The following RBFOX1 variants were observed in gnomAD, a reference collection of about 807,000 sequenced individuals.
RBFOX1 encodes RNA binding fox-1 homolog 1.
In RBFOX1, 8 loss-of-function variants were observed where a neutral mutation model predicts 57.7. The ratio of observed to expected loss-of-function variants is 0.14; its 90% confidence interval spans 0.08 to 0.25. The LOEUF (loss-of-function observed/expected upper bound fraction) is 0.25. RBFOX1 is among the 10% of genes least tolerant of loss of function. The probability of loss-of-function intolerance (pLI) is 1.00; values close to 1 mark genes in which losing one functional copy is unlikely to be tolerated. For missense variants in RBFOX1, 611 were observed against 548.5 expected (o/e 1.11, Z -1.14); for synonymous variants, 326 against 222.4 (o/e 1.47, Z -4.15).
chr16:6,927,606 G>C (rs933808856), intron 3 of RBFOX1, among the ~76,000 whole-genome samples: 2 of 151,952 alleles, frequency 1.3e-5, no homozygotes, highest in African/African-American at 4.8e-5. Flanking sequence ...AAAAGTACCT[G>C]ACATTTAGCA....
At chr16:7,590,784 G>A (rs146738306) in intron 7 of RBFOX1, among the ~76,000 whole-genome samples, 1 of 151,052 alleles carries the variant, frequency 6.6e-6, no homozygotes, top group South Asian at 2.1e-4. Context: ...ACTTGAACCC[G>A]GGGGGTGGAG....
At chr16:6,507,083 A>G (rs927263417) in intron 2 of RBFOX1, among the ~76,000 whole-genome samples, 12 of 152,068 alleles carry the variant, frequency 7.9e-5, no homozygotes, top group African/African-American at 2.4e-4. Flanking sequence ...CCTACCTCCA[A>G]GGTACATCCC....
chr16:7,466,988 A>T (rs891115847), intron 4 of RBFOX1, among the ~76,000 whole-genome samples: 3 of 152,188 alleles, frequency 2.0e-5, no homozygotes, highest in African/African-American at 7.2e-5. Flanking sequence ...GCCCTGTGTT[A>T]GGCACCTGGA....
At chr16:6,707,501 G>A (rs1286435673) in intron 3 of RBFOX1, among the ~76,000 whole-genome samples, 9 of 85,820 alleles carry the variant, frequency 1.0e-4, no homozygotes, top group Admixed American at 1.0e-3. Flanking sequence ...TTTTGCTGTT[G>A]TAAACATCAC....
intron 4 of RBFOX1, among the ~76,000 whole-genome samples, chr16:5,872,192 A>G (rs778580063): frequency 6.6e-6 from 1 of 152,212 alleles, no homozygotes; most frequent in Non-Finnish European, 1.5e-5. Flanking sequence ...AGTCCTAGCC[A>G]TCCTGTGTCA....
chr16:5,578,669 G>T (rs1188453278), intron 2 of RBFOX1, among the ~76,000 whole-genome samples: 1 of 151,946 alleles, frequency 6.6e-6, no homozygotes, highest in Non-Finnish European at 1.5e-5. Context: ...GGCCTTCAAG[G>T]TTCTCGGCAA....
chr16:6,752,030 A>G (rs780766195), intron 3 of RBFOX1, among the ~76,000 whole-genome samples: 2 of 152,134 alleles, frequency 1.3e-5, no homozygotes, highest in Non-Finnish European at 2.9e-5. Context: ...GTAACAAGTT[A>G]CCACTGCTTT....
intron 15 of RBFOX1, 53 bp from the exon 16 acceptor site, chr16:7,710,570 A>C (rs1489877005): frequency 6.2e-7 from 1 of 1,607,554 alleles, no homozygotes; most frequent in East Asian, 2.2e-5. Flanking sequence ...GATGATCCAC[A>C]TGTTGCAAAA....
chr16:5,933,508 A>G (rs576005688), intron 4 of RBFOX1, among the ~76,000 whole-genome samples: 2 of 152,282 alleles, frequency 1.3e-5, no homozygotes, highest in Non-Finnish European at 2.9e-5. Context: ...TGTTTTCCTG[A>G]TGTGAAAAAC....
intron 10 of RBFOX1, among the ~76,000 whole-genome samples, chr16:7,618,648 C>A (rs771881695): frequency 2.4e-4 from 36 of 151,766 alleles, no homozygotes; most frequent in Non-Finnish European, 4.0e-4. Context: ...ATTTCCCCAA[C>A]AAATTAAGTT....
At chr16:6,546,789 A>G (rs1221896707) in intron 2 of RBFOX1, among the ~76,000 whole-genome samples, 8 of 152,104 alleles carry the variant, frequency 5.3e-5, no homozygotes, top group Admixed American at 4.6e-4. Flanking sequence ...ATCCTATTCC[A>G]TTTTCACAAA....
At chr16:6,985,978 C>T (rs78889396) in intron 3 of RBFOX1, among the ~76,000 whole-genome samples, 43 of 151,184 alleles carry the variant, frequency 2.8e-4, no homozygotes, top group South Asian at 6.2e-4. Context: ...CCAAACTTAC[C>T]GGACGAGAGA....
intron 3 of RBFOX1, among the ~76,000 whole-genome samples, chr16:5,795,184 T>G (rs2054835109): frequency 6.6e-6 from 1 of 152,170 alleles, no homozygotes; most frequent in African/African-American, 2.4e-5. Flanking sequence ...CCCATAAATG[T>G]CAAGAAATGA....
chr16:6,299,935 C>T (rs1277016324), intron 1 of RBFOX1, among the ~76,000 whole-genome samples: 1 of 152,188 alleles, frequency 6.6e-6, no homozygotes, highest in African/African-American at 2.4e-5. Context: ...TGTGTGCCCC[C>T]AGAACCTACA....
chr16:5,244,082 A>G (rs529549313), intron 1 of RBFOX1, among the ~76,000 whole-genome samples: 13 of 152,044 alleles, frequency 8.6e-5, no homozygotes, highest in African/African-American at 2.4e-4. Flanking sequence ...TTTTTGGTAG[A>G]TATGAGGTTT....
At chr16:6,927,024 C>G (rs138913245) in intron 3 of RBFOX1, among the ~76,000 whole-genome samples, 73 of 152,202 alleles carry the variant, frequency 4.8e-4, no homozygotes, top group African/African-American at 1.7e-3. Flanking sequence ...CCAGCGATTA[C>G]TATTAACCCT....
intron 1 of RBFOX1, among the ~76,000 whole-genome samples, chr16:6,308,513 C>G (rs1398154054): frequency 3.9e-5 from 6 of 152,200 alleles, no homozygotes; most frequent in African/African-American, 1.4e-4. Flanking sequence ...CCCTAGTTTG[C>G]TGAGTGACAG....
chr16:7,166,972 C>CTTTTTTTTTGTTTTTTTTTTTTTTTT (rs2079655458), intron 4 of RBFOX1, among the ~76,000 whole-genome samples: 1 of 49,098 alleles, frequency 2.0e-5, no homozygotes, highest in Non-Finnish European at 3.4e-5. Flanking sequence ...CATTGGTGTT[C>CTTTTTTTTTGTTTTTTTTTTTTTTTT]TTTTTTTTTT....
chr16:5,755,844 T>G lies in RBFOX1; in HGVS notation c.319-111459T>G, dbSNP rs1327853229. Among the ~76,000 whole-genome samples, 7 of 152,254 alleles carry G rather than the reference T, an allele frequency of 4.6e-5. No individual in the cohort carries two copies. In the East Asian group the frequency reaches 1.2e-3, roughly 25 times the overall value. On this transcript the variant is annotated intron_variant, in intron 3 of 19. Transcript: ENST00000641259. ...AACTCCTGACCTCAGGTGATCCGCC[T>G]GCCTCGGCCTCCCAAAGTGCTGGAA...
Sources: allele counts gnomAD v4.1 joint callset (sites outside exome capture counted in the v4.1 genomes callset), GRCh38; gene constraint gnomAD v4.1.1; transcripts MANE v1.5; gene names NCBI Gene and HGNC (gene_info 2026-07-23, HGNC 2026-07-21).